Variants in KLHDC10 observed in about 807,000 individuals in gnomAD.
The protein encoded by KLHDC10 is kelch domain-containing protein 10.
KLHDC10 carries 24 observed loss-of-function variants against 56.1 expected under a neutral mutation model. That is an observed-to-expected ratio of 0.43 (90% CI 0.31 to 0.60). KLHDC10 has a LOEUF of 0.60. KLHDC10 is among the 20% of genes least tolerant of loss of function. The probability of loss-of-function intolerance (pLI) is 0.11; values close to 1 mark genes in which losing one functional copy is unlikely to be tolerated. For synonymous variants in KLHDC10, 188 were observed against 207.1 expected (o/e 0.91, Z 0.79); for missense variants, 349 against 567.0 (o/e 0.62, Z 3.91).
chr7:130,097,577 GA>G (rs1225716919), intron 2 of KLHDC10, among the ~76,000 whole-genome samples: 1 of 151,960 alleles, frequency 6.6e-6, no homozygotes, highest in Non-Finnish European at 1.5e-5. Context: ...CAATAATTAT[GA>G]ACAAGTATTT....
At chr7:130,119,047 TAA>T (rs61371997) in intron 3 of KLHDC10, among the ~76,000 whole-genome samples, 1 of 143,840 alleles carries the variant, frequency 7.0e-6, no homozygotes. Flanking sequence ...CCCTGTCTCT[TAA>T]AAAAAAAAAA....
chr7:130,126,052 C>T (rs1025368481), intron 7 of KLHDC10, 121 bp downstream of exon 7: 12 of 725,362 alleles, frequency 1.7e-5, no homozygotes, highest in African/African-American at 5.5e-5. Flanking sequence ...TTGGGCTGGG[C>T]GCATTGTCTC....
rs947718202 is a variant in KLHDC10, at chr7:130,132,051, G to A, written c.*1305G>A. ...TTGTGTGTGTGAAATTTTAGTTCTG[G>A]TTTGTTTGATTTGTTTTTTTTTTAA... On this transcript the variant is annotated 3_prime_UTR_variant, in exon 10 of 10. Coordinates refer to ENST00000335420, the MANE Select transcript of KLHDC10 (RefSeq NM_014997.4). 1 of 151,510 alleles carries A rather than the reference G, an allele frequency of 6.6e-6. No homozygotes were observed. The highest frequency in any genetic ancestry group is 2.4e-5 in the African/African-American group (1 of 40,958). The allele number at this position is 151,510 out of a possible 1,614,324, so 9.4% of individuals were successfully genotyped here.
chr7:130,072,901 G>A (rs1252877139), intron 1 of KLHDC10, among the ~76,000 whole-genome samples: 3 of 151,860 alleles, frequency 2.0e-5, no homozygotes, highest in African/African-American at 4.8e-5. Context: ...AATTACAGGC[G>A]CCCACCACCA....
rs1039271295 is a variant in KLHDC10, at chr7:130,130,969, G to A, written c.*223G>A. 2.5e-5 allele frequency: 13 copies of A among 524,090 alleles called. No homozygotes were observed. The African/African-American group carries it at 2.5e-4, about 10-fold the overall frequency. The allele number at this position is 524,090 out of a possible 1,614,324, so 32.5% of individuals were successfully genotyped here. A position where few individuals can be genotyped will look rare whatever the true frequency, so the allele number is the denominator to read the frequency against. On this transcript the variant is annotated 3_prime_UTR_variant, in exon 10 of 10. Coordinates refer to ENST00000335420, the MANE Select transcript of KLHDC10 (RefSeq NM_014997.4). This position sits in a 1 kb window ranked among gnomAD's most constrained non-coding sequence, Gnocchi z 4.2. ...TTCTGTTCCTCCTGACCCATTACAT[G>A]CACATGTACTCACATACTCCCTCTT...
intron 2 of KLHDC10, among the ~76,000 whole-genome samples, chr7:130,101,951 C>T (rs1795935703): frequency 8.6e-6 from 1 of 115,636 alleles, no homozygotes; most frequent in Non-Finnish European, 1.6e-5. Context: ...GCCTGGGCGA[C>T]AGAGTGAGAC....
intron 1 of KLHDC10, among the ~76,000 whole-genome samples, chr7:130,071,614 G>T (rs770323649): frequency 1.3e-5 from 2 of 152,138 alleles, no homozygotes; most frequent in African/African-American, 2.4e-5. Context: ...AGGTATGTTT[G>T]TAATTGAATA....
intron 1 of KLHDC10, among the ~76,000 whole-genome samples, chr7:130,091,427 A>T (rs1038465760): frequency 5.9e-5 from 9 of 152,198 alleles, no homozygotes; most frequent in Non-Finnish European, 1.2e-4. Flanking sequence ...GACTTCTTAC[A>T]TGTGTCTTCA....
chr7:130,101,210 G>C (rs1795924810), intron 2 of KLHDC10, among the ~76,000 whole-genome samples: 1 of 152,148 alleles, frequency 6.6e-6, no homozygotes, highest in African/African-American at 2.4e-5. Context: ...AGTATGTACA[G>C]AGCACTTAGG....
In KLHDC10 at chr7:130,116,199, C is replaced by T. The variant is rs1476094323; in HGVS notation, c.254-246C>T. On this transcript the variant is annotated intron_variant, in intron 2 of 9. Coordinates refer to ENST00000335420, the MANE Select transcript of KLHDC10 (RefSeq NM_014997.4). This position sits in a 1 kb window ranked among gnomAD's most constrained non-coding sequence, Gnocchi z 4.8. ...AATTTGTCATGCTTTTTACAGTTAT[C>T]AAAATCTGAAGGTAGTCATAAAAAA... Among the ~76,000 whole-genome samples the T allele has an allele frequency of 6.6e-6, 1 of 152,038 alleles. No individual in the cohort carries two copies. The highest frequency in any genetic ancestry group is 1.5e-5 in the Non-Finnish European group (1 of 68,024).
chr7:130,076,676 A>G (rs1795508645), intron 1 of KLHDC10, among the ~76,000 whole-genome samples: 1 of 152,190 alleles, frequency 6.6e-6, no homozygotes, highest in Non-Finnish European at 1.5e-5. Flanking sequence ...CTTTTCTTCC[A>G]GATGGCTGCC....
At chr7:130,100,468 A>C (rs533207393) in intron 2 of KLHDC10, among the ~76,000 whole-genome samples, 1 of 152,346 alleles carries the variant, frequency 6.6e-6, no homozygotes, top group South Asian at 2.1e-4. Flanking sequence ...AGCATAGTGC[A>C]TGTAGCAGGT....
intron 1 of KLHDC10, among the ~76,000 whole-genome samples, chr7:130,078,918 C>T (rs933389717): frequency 6.6e-6 from 1 of 152,186 alleles, no homozygotes; most frequent in African/African-American, 2.4e-5. Context: ...GAGCTTTGTC[C>T]TATTCCTTAC....
intron 1 of KLHDC10, among the ~76,000 whole-genome samples, chr7:130,093,198 A>AATT (rs146301315): frequency 0.13 from 20,121 of 151,430 alleles, 1,523 homozygotes; most frequent in East Asian, 0.31. Flanking sequence ...TTATTGAAGA[A>AATT]ATTATTATTA....
intron 1 of KLHDC10, among the ~76,000 whole-genome samples, chr7:130,077,555 C>CT (rs1374918216): frequency 0.18 from 19,017 of 108,036 alleles, 3,098 homozygotes; most frequent in Non-Finnish European, 0.26. Flanking sequence ...CTTTTTCTTT[C>CT]TTTTTTTTTT....
chr7:130,074,827 T>G (rs1467781328), intron 1 of KLHDC10, among the ~76,000 whole-genome samples: 1 of 152,130 alleles, frequency 6.6e-6, no homozygotes, highest in Non-Finnish European at 1.5e-5. Flanking sequence ...GCCAGGCTGG[T>G]CTCGAACTCC....
chr7:130,126,536 C>T (rs541458571), intron 7 of KLHDC10, among the ~76,000 whole-genome samples: 9 of 151,646 alleles, frequency 5.9e-5, no homozygotes, highest in African/African-American at 2.2e-4. Context: ...ATTAGCTGGG[C>T]GTGGTGGCAT....
chr7:130,114,216 CTGTT>C (rs984433931), intron 2 of KLHDC10, among the ~76,000 whole-genome samples: 2 of 152,134 alleles, frequency 1.3e-5, no homozygotes, highest in Admixed American at 1.3e-4. Flanking sequence ...AGCTTATAAA[CTGTT>C]TGGAAAAGAA....
intron 1 of KLHDC10, among the ~76,000 whole-genome samples, chr7:130,071,644 G>C (rs1330418940): frequency 6.6e-6 from 1 of 152,086 alleles, no homozygotes; most frequent in African/African-American, 2.4e-5. Context: ...GTAGAAGGAA[G>C]GTAGGGAATT....
Sources: allele counts gnomAD v4.1 joint callset (sites outside exome capture counted in the v4.1 genomes callset), GRCh38; gene constraint gnomAD v4.1.1; non-coding constraint Gnocchi (gnomAD v3.1); transcripts MANE v1.5; gene names NCBI Gene and HGNC (gene_info 2026-07-23, HGNC 2026-07-21).